ZFPM2: variants seen among roughly 807,000 people sequenced by gnomAD.
The protein encoded by ZFPM2 is zinc finger protein, FOG family member 2, also known as zinc finger protein ZFPM2.
Under a neutral mutation model 98.6 loss-of-function variants are expected in ZFPM2, and 20 were observed. The observed-to-expected ratio is 0.20, with a 90% CI of 0.14 to 0.29. The LOEUF (loss-of-function observed/expected upper bound fraction) is 0.29, where lower values mean the gene tolerates loss of function less well. ZFPM2 is among the 10% of genes least tolerant of loss of function. The pLI is 1.00. For synonymous variants in ZFPM2, 518 were observed against 502.7 expected, an observed-to-expected ratio of 1.03 and a Z score of -0.41; for missense variants, 1,310 against 1,388.6, an observed-to-expected ratio of 0.94 and a Z score of 0.90.
chr8:105,365,096 G>T (rs1810481840), intron 1 of ZFPM2, among the ~76,000 whole-genome samples: 1 of 152,112 alleles, frequency 6.6e-6, no homozygotes, highest in South Asian at 2.1e-4. Context: ...TGTAAAGAGG[G>T]CCCTGGCCTG....
intron 5 of ZFPM2, among the ~76,000 whole-genome samples, chr8:105,636,251 TA>T (rs1379870170): frequency 6.6e-6 from 1 of 152,180 alleles, no homozygotes; most frequent in Non-Finnish European, 1.5e-5. Flanking sequence ...TGGAGTATGC[TA>T]ACTTGAGCAA....
intron 2 of ZFPM2, among the ~76,000 whole-genome samples, chr8:105,420,127 G>T (rs1811762085): frequency 6.6e-6 from 1 of 152,150 alleles, no homozygotes; most frequent in African/African-American, 2.4e-5. Flanking sequence ...TTGACTGGAA[G>T]TGTATGTTTC....
At chr8:105,365,819 C>T (rs529565477) in intron 1 of ZFPM2, among the ~76,000 whole-genome samples, 49 of 152,222 alleles carry the variant, frequency 3.2e-4, no homozygotes, top group African/African-American at 1.2e-3. Context: ...GACAGAGATT[C>T]CTCAGTTTGT....
chr8:105,802,804 A>C lies in ZFPM2; in HGVS notation c.2722A>C (p.Ser908Arg). 1.2e-6 allele frequency: 2 copies of C among 1,613,714 alleles called. No homozygotes were observed. Among genetic ancestry groups the C allele is most frequent in the Non-Finnish European group, 1.7e-6 (2 of 1,179,832 alleles). The part of the protein sequence containing the change: ...PESERNSPDV[S>R]YERSIIKCEK... Reference sequence around the variant, plus strand: ...AAGCGAACGAAACAGCCCTGATGTCAGCTACGAAAGAAGCATAATAAAATG... The same window carrying C: ...AAGCGAACGAAACAGCCCTGATGTCCGCTACGAAAGAAGCATAATAAAATG... Residue 908 changes from serine to arginine, a missense_variant, in exon 8 of 8, where the codon AGC (serine) becomes CGC (arginine). Ser to Arg is a moderately radical substitution (Grantham distance 110). Transcript: ENST00000407775.
intron 5 of ZFPM2, among the ~76,000 whole-genome samples, chr8:105,718,727 T>C (rs1248265592): frequency 6.6e-6 from 1 of 151,906 alleles, no homozygotes; most frequent in African/African-American, 2.4e-5. Flanking sequence ...GTCAAAAGAA[T>C]TCTTCAAAAC....
intron 5 of ZFPM2, among the ~76,000 whole-genome samples, chr8:105,761,954 CT>C (rs1379044981): frequency 1.3e-5 from 2 of 151,912 alleles, no homozygotes; most frequent in East Asian, 3.9e-4. Flanking sequence ...ATTTAAGAAA[CT>C]TTTTGATCAA....
At chr8:105,724,361 T>C (rs1305954037) in intron 5 of ZFPM2, among the ~76,000 whole-genome samples, 3 of 151,910 alleles carry the variant, frequency 2.0e-5, no homozygotes, top group African/African-American at 4.8e-5. Flanking sequence ...TTCAACTTTT[T>C]CTTCTAATGC....
chr8:105,674,971 C>T (rs1021215189), intron 5 of ZFPM2, among the ~76,000 whole-genome samples: 3 of 151,998 alleles, frequency 2.0e-5, no homozygotes, highest in African/African-American at 7.2e-5. Flanking sequence ...ATGGATTAGA[C>T]GTTTGTATGT....
chr8:105,328,635 G>T (rs984814329), intron 1 of ZFPM2, among the ~76,000 whole-genome samples: 1 of 151,806 alleles, frequency 6.6e-6, no homozygotes, highest in Non-Finnish European at 1.5e-5. Flanking sequence ...TTCCAAGACT[G>T]TTGTCAATAT....
intron 1 of ZFPM2, among the ~76,000 whole-genome samples, chr8:105,323,529 A>G (rs1437432697): frequency 6.6e-6 from 1 of 151,972 alleles, no homozygotes; most frequent in Admixed American, 6.6e-5. Flanking sequence ...TTTTAGCAAT[A>G]AAACAGATAG....
At chr8:105,589,729 C>CT (rs1563732760) in intron 4 of ZFPM2, among the ~76,000 whole-genome samples, 1 of 151,962 alleles carries the variant, frequency 6.6e-6, no homozygotes, top group Non-Finnish European at 1.5e-5. Flanking sequence ...AACTCATGTT[C>CT]TTTTTTTGAA....
chr8:105,582,179 C>T (rs1815616084), intron 4 of ZFPM2, among the ~76,000 whole-genome samples: 1 of 152,158 alleles, frequency 6.6e-6, no homozygotes, highest in Non-Finnish European at 1.5e-5. Flanking sequence ...CTGACCAATC[C>T]ACCCGGATAT....
At chr8:105,660,068 C>G (rs1586179894) in intron 5 of ZFPM2, among the ~76,000 whole-genome samples, 1 of 152,012 alleles carries the variant, frequency 6.6e-6, no homozygotes, top group East Asian at 1.9e-4. Flanking sequence ...TTTATAATAA[C>G]TTGTTTTGTG....
intron 1 of ZFPM2, among the ~76,000 whole-genome samples, chr8:105,391,239 T>C (rs144310063): frequency 6.6e-6 from 1 of 152,330 alleles, no homozygotes; most frequent in African/African-American, 2.4e-5. Flanking sequence ...CACAATGTAT[T>C]GGACTTTCCC....
At chr8:105,694,021 C>G (rs1411063734) in intron 5 of ZFPM2, among the ~76,000 whole-genome samples, 1 of 127,084 alleles carries the variant, frequency 7.9e-6, no homozygotes, top group Non-Finnish European at 1.6e-5. Flanking sequence ...GTCTCACACT[C>G]TGTTGCCCAG....
chr8:105,507,456 T>G (rs944950000), intron 3 of ZFPM2, among the ~76,000 whole-genome samples: 1 of 152,248 alleles, frequency 6.6e-6, no homozygotes, highest in African/African-American at 2.4e-5. Context: ...ATAATGATTA[T>G]GGGCAAGTCA....
chr8:105,739,609 C>G (rs1278711309), intron 5 of ZFPM2, among the ~76,000 whole-genome samples: 2 of 145,084 alleles, frequency 1.4e-5, no homozygotes, highest in Non-Finnish European at 3.1e-5. Context: ...TAAATTTTTG[C>G]TTTTTTTTTT....
At chr8:105,698,859 C>T (rs1159449724) in intron 5 of ZFPM2, among the ~76,000 whole-genome samples, 1 of 152,112 alleles carries the variant, frequency 6.6e-6, no homozygotes, top group Non-Finnish European at 1.5e-5. Flanking sequence ...CTTATAATAT[C>T]TTTTCATCTA....
intron 3 of ZFPM2, among the ~76,000 whole-genome samples, chr8:105,494,996 T>G (rs1813432266): frequency 6.6e-6 from 1 of 152,202 alleles, no homozygotes; most frequent in African/African-American, 2.4e-5. Context: ...AATATTAATC[T>G]TCTACTGTTT....
Sources: allele counts gnomAD v4.1 joint callset (sites outside exome capture counted in the v4.1 genomes callset), GRCh38; gene constraint gnomAD v4.1.1; transcripts MANE v1.5; gene names NCBI Gene and HGNC (gene_info 2026-07-23, HGNC 2026-07-21).